The following LPCAT3 variants were observed in gnomAD, a reference collection of about 807,000 sequenced individuals.
LPCAT3 encodes lysophosphatidylcholine acyltransferase 3.
A neutral mutation model predicts 63.4 loss-of-function variants in LPCAT3; 21 were observed. The observed-to-expected ratio is 0.33, with a 90% CI of 0.23 to 0.48. LPCAT3 has a LOEUF of 0.48. Ranked by LOEUF, LPCAT3 falls within the 20% of genes least tolerant of loss-of-function variation. The probability of loss-of-function intolerance (pLI) is 0.99; values close to 1 mark genes in which losing one functional copy is unlikely to be tolerated. For synonymous variants in LPCAT3, 242 were observed against 227.5 expected (o/e 1.06, Z -0.58); for missense variants, 451 against 590.6 (o/e 0.76, Z 2.45).
intron 1 of LPCAT3, among the ~76,000 whole-genome samples, chr12:7,004,150 C>G (rs1462674639): frequency 6.6e-6 from 1 of 152,134 alleles, no homozygotes; most frequent in African/African-American, 2.4e-5. Flanking sequence ...CATTTTACTA[C>G]TACTAAGCTT....
At chr12:7,015,768 T>A (rs781952821) in intron 1 of LPCAT3, among the ~76,000 whole-genome samples, 23 of 152,224 alleles carry the variant, frequency 1.5e-4, no homozygotes, top group African/African-American at 5.3e-4. Flanking sequence ...GTAGATGCAT[T>A]ACACCAAGTG....
At chr12:6,991,456 C>G (rs782401769) in intron 1 of LPCAT3, among the ~76,000 whole-genome samples, 56 of 152,282 alleles carry the variant, frequency 3.7e-4, no homozygotes, top group Non-Finnish European at 5.7e-4. Context: ...TTAGGCAGAT[C>G]TTCTAAATAC....
intron 1 of LPCAT3, among the ~76,000 whole-genome samples, chr12:7,009,757 T>C (rs1451478651): frequency 1.3e-5 from 2 of 152,236 alleles, no homozygotes; most frequent in Admixed American, 1.3e-4. Flanking sequence ...TCTCAAACTT[T>C]TCCAGGCCAA....
At chr12:6,999,554 G>A (rs1946667008) in intron 1 of LPCAT3, among the ~76,000 whole-genome samples, 3 of 152,212 alleles carry the variant, frequency 2.0e-5, no homozygotes, top group Non-Finnish European at 1.5e-5. Context: ...CTGAGGTGTA[G>A]TGCTAGTGAT....
At chr12:6,979,219 G>A (rs1202150165) in intron 7 of LPCAT3, 17 of 532,498 alleles carry the variant, frequency 3.2e-5, no homozygotes, top group African/African-American at 5.7e-5. Flanking sequence ...AGGCAAGCTA[G>A]GAGCGGCTCC....
chr12:6,985,546 TC>T (rs1206963628), intron 1 of LPCAT3, among the ~76,000 whole-genome samples: 2 of 150,800 alleles, frequency 1.3e-5, no homozygotes, highest in Non-Finnish European at 3.0e-5. Context: ...AAACCCCATC[TC>T]TACCAAAAAT....
At chr12:6,992,069 G>C (rs782740122) in intron 1 of LPCAT3, among the ~76,000 whole-genome samples, 40 of 151,258 alleles carry the variant, frequency 2.6e-4, no homozygotes, top group Admixed American at 6.6e-4. Context: ...GTGCATACCA[G>C]TTAAAAAAAA....
chr12:6,980,939 CA>C, intron 6 of LPCAT3, 64 bp downstream of exon 6: 1 of 1,466,640 alleles, frequency 6.8e-7, no homozygotes, highest in East Asian at 2.3e-5. Context: ...ATGCAGCTTT[CA>C]GAAGAGTCAC....
chr12:7,000,956 C>T (rs1372266525), intron 1 of LPCAT3, among the ~76,000 whole-genome samples: 4 of 152,074 alleles, frequency 2.6e-5, no homozygotes, highest in Non-Finnish European at 5.9e-5. Context: ...ATCTGCCCGC[C>T]TCAGCCTCCC....
At chr12:7,016,087 GAATGT>G (rs1445404602) in intron 1 of LPCAT3, among the ~76,000 whole-genome samples, 1 of 151,702 alleles carries the variant, frequency 6.6e-6, no homozygotes, top group Non-Finnish European at 1.5e-5. Flanking sequence ...CCTAACTAAT[GAATGT>G]AATACAATTT....
rs782394312 is a variant in LPCAT3 at position 7,018,451 on chromosome 12, C to T, written c.-27G>A. The T allele has an allele frequency of 5.2e-6, 8 of 1,551,804 alleles. No individual in the cohort carries two copies. Among genetic ancestry groups the T allele is most frequent in the Non-Finnish European group, 6.1e-6 (7 of 1,145,476 alleles). ...TTAACTCCGGGAGCCCCACAGGGAC[C>T]CCCCAGCTCCGCGCGCCCCGAATGC... is the stretch of plus-strand genomic sequence containing the variant. On this transcript the variant is annotated 5_prime_UTR_variant, in exon 1 of 13. Transcript: ENST00000261407. The surrounding 1 kb of genome is among the most constrained non-coding windows in gnomAD (Gnocchi z 4.9).
intron 3 of LPCAT3, 44 bp downstream of exon 3, chr12:6,982,632 C>A (rs782403359): frequency 7.5e-6 from 11 of 1,462,216 alleles, no homozygotes; most frequent in Middle Eastern, 1.8e-4. Flanking sequence ...GTCCCCTGAA[C>A]CGCTGTCAGC....
chr12:6,978,117 C>A, intron 9 of LPCAT3: 1 of 586,936 alleles, frequency 1.7e-6, no homozygotes, highest in Non-Finnish European at 3.0e-6. Context: ...TGGAGTAACA[C>A]CCAGGTCTTA....
In LPCAT3 at chr12:7,011,584, G is replaced by A. The variant is rs113151213; in HGVS notation, c.151+6690C>T. On this transcript the variant is annotated intron_variant, in intron 1 of 12. Transcript: ENST00000261407. Reference sequence around the variant, plus strand: ...GAATTGCTTGATCTGGGAAGCAGACGTTGCAGTGAGCTGAGATTGCACCAC... The same window carrying A: ...GAATTGCTTGATCTGGGAAGCAGACATTGCAGTGAGCTGAGATTGCACCAC... Among the ~76,000 whole-genome samples, 350 of 149,302 alleles carry A rather than the reference G, an allele frequency of 2.3e-3. 2 individuals carry two copies. Among genetic ancestry groups the A allele is most frequent in the African/African-American group, 8.1e-3 (327 of 40,324 alleles).
chr12:6,976,966 T>C (rs1278767528), intron 12 of LPCAT3, 75 bp from the exon 13 acceptor site: 7 of 594,696 alleles, frequency 1.2e-5, no homozygotes, highest in Non-Finnish European at 1.8e-5. Flanking sequence ...TCCAGATGTT[T>C]CCTAGCATGC....
chr12:6,983,567 G>T, intron 1 of LPCAT3, 28 bp from the exon 2 acceptor site: 1 of 1,426,262 alleles, frequency 7.0e-7, no homozygotes, highest in Non-Finnish European at 9.9e-7. Context: ...TAAGAAGAGT[G>T]TTATTTGTGC....
chr12:7,007,026 A>G (rs782429332), intron 1 of LPCAT3, among the ~76,000 whole-genome samples: 2 of 152,204 alleles, frequency 1.3e-5, no homozygotes, highest in Admixed American at 6.5e-5. Context: ...GAATGTACAC[A>G]TGGATCTTCT....
chr12:7,000,621 A>C (rs1401904639), intron 1 of LPCAT3, among the ~76,000 whole-genome samples: 1 of 151,090 alleles, frequency 6.6e-6, no homozygotes, highest in Non-Finnish European at 1.5e-5. Flanking sequence ...AAATATTTGC[A>C]AAAGTAGCAT....
chr12:6,989,786 C>CT (rs1591550643), intron 1 of LPCAT3, among the ~76,000 whole-genome samples: 2 of 152,282 alleles, frequency 1.3e-5, no homozygotes, highest in East Asian at 3.9e-4. Context: ...GGAACGTTTT[C>CT]TTATTTCCTG....
Sources: gnomAD v4.1 joint callset for allele counts (sites outside exome capture counted in the v4.1 genomes callset) on GRCh38, gnomAD v4.1.1 for gene constraint, Gnocchi (gnomAD v3.1) non-coding constraint, MANE v1.5 for transcripts, NCBI Gene and HGNC (gene_info 2026-07-23, HGNC 2026-07-21) for gene names.